The following INTS1 variants were observed in gnomAD, a reference collection of about 807,000 sequenced individuals.
INTS1 encodes the protein integrator complex subunit 1.
Under a neutral mutation model 241.6 loss-of-function variants are expected in INTS1, and 137 were observed. The ratio of observed to expected loss-of-function variants is 0.57; its 90% CI spans 0.49 to 0.65. INTS1 has a LOEUF of 0.65. Among genes scored for constraint, INTS1 ranks in the 30% least tolerant of loss-of-function variants. The pLI is 0.00. For synonymous variants in INTS1, 1,692 were observed against 1,337.8 expected, an observed-to-expected ratio of 1.26 and a Z score of -5.78; for missense variants, 3,073 against 3,032.2, an observed-to-expected ratio of 1.01 and a Z score of -0.32.
intron 46 of INTS1, 25 bp downstream of exon 46, chr7:1,471,108 G>T: frequency 6.5e-7 from 1 of 1,549,070 alleles, no homozygotes; most frequent in Admixed American, 1.9e-5. Flanking sequence ...GGTGGCGGCG[G>T]GACAGAGGCC....
rs750281232 is a variant in INTS1, at chr7:1,481,298, G to C, written c.3850+44C>G. 4.4e-6 allele frequency: 7 copies of C among 1,609,188 alleles called. No individual in the cohort carries two copies. Among genetic ancestry groups the C allele is most frequent in the East Asian group, 4.5e-5 (2 of 44,794 alleles). On this transcript the variant is annotated intron_variant, in intron 28 of 47. Transcript: ENST00000404767. This position sits in a 1 kb window ranked among gnomAD's most constrained non-coding sequence, Gnocchi z 6.8. The stretch of plus-strand genomic sequence containing the variant: ...CAAAAGCCTGGCCGGGCTGGGGCTC[G>C]GTCAGCGTGTGTGAACCCACTCCGC...
chr7:1,471,665 C>G (rs765865480), intron 44 of INTS1, 24 bp from the exon 45 acceptor site: 2 of 1,610,428 alleles, frequency 1.2e-6, no homozygotes, highest in Admixed American at 1.7e-5. Flanking sequence ...AGGGCCAGAC[C>G]AGAACTGAAG....
Position 1,493,920 on chromosome 7 carries a change from T to C in INTS1, c.1911-9A>G, listed in dbSNP as rs2251231. 663,507 of 1,551,008 alleles carry C rather than the reference T, an allele frequency of 0.43. 146,185 individuals carry two copies. Among genetic ancestry groups the C allele is most frequent in the East Asian group, 0.73 (29,877 of 41,014 alleles). ...ACAGACGCAGGAAGAAGCTGCGGGG[T>C]GGGGGAGGCATGACTCGGTGTGGGC... is the stretch of plus-strand genomic sequence containing the variant. On this transcript the variant is annotated splice_polypyrimidine_tract_variant and intron_variant, in intron 14 of 47. Transcript: ENST00000404767. The surrounding 1 kb of genome is among the most constrained non-coding windows in gnomAD (Gnocchi z 5.3).
chr7:1,483,834 A>T lies in INTS1; in HGVS notation c.3449T>A (p.Val1150Asp). 1.9e-6 allele frequency: 3 copies of T among 1,611,662 alleles called. No individual in the cohort carries two copies. The highest frequency in any genetic ancestry group is 2.5e-6 in the Non-Finnish European group (3 of 1,178,834). Residue 1150 changes from valine to aspartate, a missense_variant, in exon 26 of 48, where the codon GTC (valine) becomes GAC (aspartate). Physicochemically the swap from Val to Asp is radical, Grantham distance 152. Coordinates refer to ENST00000404767, the MANE Select transcript of INTS1 (RefSeq NM_001080453.3). ...VYSWSESQDQ[V>D]FLRWSSGETA... is the part of the protein sequence containing the mutation. ...CTCCCCGCTGCTCCAGCGTAGGAAGACCTGGTCCTGAGACTCCGACTGTGG... is the reference window on the plus strand; with the variant it reads ...CTCCCCGCTGCTCCAGCGTAGGAAGTCCTGGTCCTGAGACTCCGACTGTGG...
rs1781405761 is a variant in INTS1, at chr7:1,470,535, CG to C, written c.*41del. 2.8e-6 allele frequency: 4 copies of C among 1,422,604 alleles called. No homozygotes were observed. In the African/African-American group the frequency reaches 4.3e-5, roughly 15 times the overall value. 88.1% of individuals were successfully genotyped at this position (1,422,604 alleles called of 1,614,324 possible). On this transcript the variant is annotated 3_prime_UTR_variant, in exon 48 of 48. Coordinates refer to ENST00000404767, the MANE Select transcript of INTS1 (RefSeq NM_001080453.3). The stretch of plus-strand genomic sequence containing the variant: ...GCTTTGCCTCGAGGATCCCCGGGGA[CG>C]GGACGGGCCGGGGCTTGGAGGGGGG...
chr7:1,485,417 T>A lies in INTS1; in HGVS notation c.3029A>T (p.Glu1010Val). 1 of 1,612,758 alleles carries A rather than the reference T, an allele frequency of 6.2e-7. No homozygotes were observed. The highest frequency in any genetic ancestry group is 8.5e-7 in the Non-Finnish European group (1 of 1,179,790). Reference sequence around the variant, plus strand: ...CCCCACATCCTCCTCCATGGGGGGCTCCTTCTCCTCCCCGTCCCGCAGGCT... The same window carrying A: ...CCCCACATCCTCCTCCATGGGGGGCACCTTCTCCTCCCCGTCCCGCAGGCT... ...EGSLRDGEEK[E>V]PPMEEDVGDT... The change falls in exon 23 of 48, where the codon GAG becomes GTG. Residue 1010 changes from glutamate to valine, a missense_variant. Physicochemically the swap from Glu to Val is moderately radical, Grantham distance 121. Coordinates refer to ENST00000404767, the MANE Select transcript of INTS1 (RefSeq NM_001080453.3).
chr7:1,501,738 C>A (rs950070802), intron 3 of INTS1, among the ~76,000 whole-genome samples: 3 of 152,152 alleles, frequency 2.0e-5, no homozygotes, highest in African/African-American at 7.2e-5. Flanking sequence ...TGAGGCTCGA[C>A]CTCCTAAAGC....
Position 1,500,337 on chromosome 7 carries a change from C to G in INTS1, c.379G>C (p.Glu127Gln). 6.3e-7 allele frequency: 1 copy of G among 1,585,238 alleles called. No individual in the cohort carries two copies. Among genetic ancestry groups the G allele is most frequent in the East Asian group, 2.3e-5 (1 of 43,858 alleles). The change falls in exon 4 of 48, where the codon GAG becomes CAG. Residue 127 changes from glutamate to glutamine, a missense_variant. Transcript: ENST00000404767. ...TCGTTGCCCTCCAGCTCGGCCGCCT[C>G]GATCTCATCCAGCAGCACCGTGGGC... ...VLPTVLLDEI[E>Q]AAELEGNDDR...
Position 1,487,875 on chromosome 7 carries a change from G to A in INTS1, c.2401C>T (p.Arg801Trp), listed in dbSNP as rs201096577. The change falls in exon 19 of 48, where the codon CGG becomes TGG. Residue 801 changes from arginine to tryptophan, a missense_variant. Coordinates refer to ENST00000404767, the MANE Select transcript of INTS1 (RefSeq NM_001080453.3). Reference sequence around the variant, plus strand: ...AAGGCCAGGATCTCCTGCTTCTCCCGCTGGGCGGTCTGCAGCTCACGGTTC... The same window carrying A: ...AAGGCCAGGATCTCCTGCTTCTCCCACTGGGCGGTCTGCAGCTCACGGTTC... ...MLNRELQTAQ[R>W]EKQEILAFEG... is the part of the protein sequence containing the mutation. The A allele has an allele frequency of 9.9e-6, 16 of 1,613,454 alleles. No homozygotes were observed. The highest frequency in any genetic ancestry group is 1.3e-5 in the African/African-American group (1 of 74,922).
In INTS1 at chr7:1,497,597, A is replaced by C. The variant is rs905985197; in HGVS notation, c.1426-283T>G. Among the ~76,000 whole-genome samples the C allele has an allele frequency of 1.3e-5, 2 of 152,204 alleles. No individual in the cohort carries two copies. The highest frequency in any genetic ancestry group is 2.9e-5 in the Non-Finnish European group (2 of 68,040). On this transcript the variant is annotated intron_variant, in intron 10 of 47. Transcript: ENST00000404767. The surrounding 1 kb of genome is among the most constrained non-coding windows in gnomAD (Gnocchi z 5.3). ...CTGGGGGTGCGGGACACCAGGCGGC[A>C]AAGCCATAGAAGCGCGTGTGCCATC...
rs1335097696 is a variant in INTS1 at position 1,479,388 on chromosome 7, C to T, written c.4329+42G>A. 7.1e-6 allele frequency: 11 copies of T among 1,540,470 alleles called. No homozygotes were observed. The South Asian group carries it at 1.2e-4, about 17-fold the overall frequency. On this transcript the variant is annotated intron_variant, in intron 31 of 47. Coordinates refer to ENST00000404767, the MANE Select transcript of INTS1 (RefSeq NM_001080453.3). ...GGGCCGTCCTGCGGGAGGCAGAGCC[C>T]TCACTGCCCTCCTCCCCCGCAAGAG...
At chr7:1,471,875 T>C (rs748358987) in intron 44 of INTS1, 48 of 586,248 alleles carry the variant, frequency 8.2e-5, no homozygotes, top group Non-Finnish European at 9.4e-5. Flanking sequence ...GGCAGCCCCA[T>C]ATCCAGGGTG....
In INTS1 at chr7:1,487,120, C is replaced by T. The variant is rs374962124; in HGVS notation, c.2647-19G>A. 3.9e-6 allele frequency: 6 copies of T among 1,539,602 alleles called. No homozygotes were observed. The highest frequency in any genetic ancestry group is 1.2e-5 in the South Asian group (1 of 84,098). ...AGGAGGCCTGGGCAGGCGACAGTGG[C>T]GCCCGCTCAGCACCTTCCAGGCCCA... is the stretch of plus-strand genomic sequence containing the variant. On this transcript the variant is annotated intron_variant, in intron 20 of 47. Coordinates refer to ENST00000404767, the MANE Select transcript of INTS1 (RefSeq NM_001080453.3).
chr7:1,503,150 C>T lies in INTS1; in HGVS notation c.100G>A (p.Gly34Ser), dbSNP rs1783277395. The part of the protein sequence containing the change: ...PGDFIALGSK[G>S]QANESKTAST... Reference sequence around the variant, plus strand: ...GCCGTTTTCGATTCATTGGCCTGACCCTTTGAGCCCAGAGCAATGAAGTCT... The same window carrying T: ...GCCGTTTTCGATTCATTGGCCTGACTCTTTGAGCCCAGAGCAATGAAGTCT... Residue 34 changes from glycine (G) to serine (S), a missense_variant, in exon 3 of 48, where the codon GGT becomes AGT. Coordinates refer to ENST00000404767, the MANE Select transcript of INTS1 (RefSeq NM_001080453.3). The T allele has an allele frequency of 1.9e-6, 3 of 1,574,072 alleles. No homozygotes were observed. The highest frequency in any genetic ancestry group is 2.6e-6 in the Non-Finnish European group (3 of 1,156,802).
intron 31 of INTS1, among the ~76,000 whole-genome samples, chr7:1,479,147 G>A (rs1377491289): frequency 6.6e-6 from 1 of 152,248 alleles, no homozygotes; most frequent in Non-Finnish European, 1.5e-5. Context: ...CAGACACCAA[G>A]TAAAACACAG....
Position 1,486,939 on chromosome 7 carries a change from T to C in INTS1, c.2809A>G (p.Lys937Glu). The C allele has an allele frequency of 6.2e-7, 1 of 1,605,702 alleles. No homozygotes were observed. Among genetic ancestry groups the C allele is most frequent in the Non-Finnish European group, 8.5e-7 (1 of 1,178,804 alleles). Residue 937 changes from lysine to glutamate, a missense_variant, in exon 21 of 48, where the codon AAG becomes GAG. Coordinates refer to ENST00000404767, the MANE Select transcript of INTS1 (RefSeq NM_001080453.3). Reference protein sequence around the residue: ...EDDEGESKEQKAKKRQRQQKQ... With the variant: ...EDDEGESKEQEAKKRQRQQKQ... Reference sequence around the variant, plus strand: ...GCCCTGACCTGCCGCTTCTTGGCCTTCTGCTCCTTGCTCTCGCCCTCGTCG... The same window carrying C: ...GCCCTGACCTGCCGCTTCTTGGCCTCCTGCTCCTTGCTCTCGCCCTCGTCG...
At chr7:1,472,927 CAG>C (rs1228919156) in intron 43 of INTS1, 143 bp downstream of exon 43, 3 of 570,478 alleles carry the variant, frequency 5.3e-6, no homozygotes, top group Non-Finnish European at 9.2e-6. Context: ...TGAGGTGGGT[CAG>C]GGGCCAGCCA....
intron 30 of INTS1, 134 bp downstream of exon 30, chr7:1,480,183 C>T: frequency 9.5e-7 from 1 of 1,055,052 alleles, no homozygotes; most frequent in Admixed American, 2.8e-5. Context: ...CGTGTAAAGG[C>T]CGCTGTGCGT....
intron 3 of INTS1, 120 bp downstream of exon 3, chr7:1,502,781 G>T (rs915211130): frequency 1.7e-5 from 18 of 1,078,068 alleles, no homozygotes; most frequent in Non-Finnish European, 2.5e-5. Flanking sequence ...ACAAACATCC[G>T]CTCTCCCAAA....
Sources: gnomAD v4.1 joint callset for allele counts (sites outside exome capture counted in the v4.1 genomes callset) on GRCh38, gnomAD v4.1.1 for gene constraint, Gnocchi (gnomAD v3.1) non-coding constraint, MANE v1.5 for transcripts, NCBI Gene and HGNC (gene_info 2026-07-23, HGNC 2026-07-21) for gene names.